CELF4: variants seen among roughly 807,000 people sequenced by gnomAD.
CELF4 encodes the protein CUGBP Elav-like family member 4.
A neutral mutation model predicts 59.9 loss-of-function variants in CELF4; 18 were observed. The ratio of observed to expected loss-of-function variants is 0.30; its 90% CI spans 0.21 to 0.45. CELF4 has a LOEUF of 0.45. CELF4 is among the 20% of genes least tolerant of loss of function. The pLI is 1.00. For synonymous variants in CELF4, 261 were observed against 267.1 expected, an observed-to-expected ratio of 0.98 and a Z score of 0.22; for missense variants, 456 against 689.0, an observed-to-expected ratio of 0.66 and a Z score of 3.79.
intron 2 of CELF4, among the ~76,000 whole-genome samples, chr18:37,393,949 C>G (rs1183961906): frequency 6.6e-6 from 1 of 151,162 alleles, no homozygotes; most frequent in Non-Finnish European, 1.5e-5. Flanking sequence ...CCACCTCCTC[C>G]GAGCGGAGCG....
chr18:37,338,998 C>G (rs1301457945), intron 2 of CELF4, among the ~76,000 whole-genome samples: 1 of 152,228 alleles, frequency 6.6e-6, no homozygotes, highest in Non-Finnish European at 1.5e-5. Flanking sequence ...GTCTCTGCAT[C>G]CATCCTGGTC....
chr18:37,296,493 G>T (rs989127977), intron 3 of CELF4, among the ~76,000 whole-genome samples: 50 of 152,204 alleles, frequency 3.3e-4, no homozygotes, highest in African/African-American at 1.2e-3. Flanking sequence ...ACTGCGCCTG[G>T]CCGGTTTGTT....
rs112360408 is a variant in CELF4 at position 37,437,360 on chromosome 18, C to T, written c.369+48165G>A. Among the ~76,000 whole-genome samples the T allele has an allele frequency of 1.8e-3, 272 of 152,342 alleles. 2 individuals carry two copies. Among genetic ancestry groups the T allele is most frequent in the African/African-American group, 6.0e-3 (249 of 41,574 alleles). On this transcript the variant is annotated intron_variant, in intron 2 of 12. Coordinates refer to ENST00000420428, the MANE Select transcript of CELF4 (RefSeq NM_020180.4). ...GGTGCCAAGGTCCTAGTGTCAGGGG[C>T]CCTGCACTCTGAGAGCCGGGAAGCC...
chr18:37,441,482 C>G (rs1202742803), intron 2 of CELF4, among the ~76,000 whole-genome samples: 1 of 152,078 alleles, frequency 6.6e-6, no homozygotes, highest in African/African-American at 2.4e-5. Context: ...AATGAGGAGG[C>G]TAATTGTTCG....
At chr18:37,307,289 G>A (rs1053774013) in intron 3 of CELF4, among the ~76,000 whole-genome samples, 7 of 152,262 alleles carry the variant, frequency 4.6e-5, no homozygotes, top group Middle Eastern at 3.4e-3. Flanking sequence ...CCCCACAGTC[G>A]TGGGGCAATC....
chr18:37,558,109 C>G (rs1377635309), intron 1 of CELF4, among the ~76,000 whole-genome samples: 1 of 144,374 alleles, frequency 6.9e-6, no homozygotes, highest in Non-Finnish European at 1.5e-5. Context: ...TCAAGCGATA[C>G]TCCTGCCTCA....
chr18:37,354,068 G>A (rs1204618623), intron 2 of CELF4, among the ~76,000 whole-genome samples: 1 of 152,098 alleles, frequency 6.6e-6, no homozygotes, highest in Non-Finnish European at 1.5e-5. Context: ...GGGGGGACCA[G>A]TTCTTAGGAC....
At chr18:37,467,898 T>C (rs1274514364) in intron 2 of CELF4, among the ~76,000 whole-genome samples, 2 of 152,192 alleles carry the variant, frequency 1.3e-5, no homozygotes, top group Admixed American at 1.3e-4. Context: ...GCCTCTCCCA[T>C]GTGTGTTATA....
intron 2 of CELF4, among the ~76,000 whole-genome samples, chr18:37,438,895 G>A (rs929910440): frequency 2.0e-5 from 3 of 152,168 alleles, no homozygotes; most frequent in African/African-American, 7.2e-5. Flanking sequence ...AAAGGATTAG[G>A]TTAGGATTAG....
intron 2 of CELF4, among the ~76,000 whole-genome samples, chr18:37,481,191 G>A (rs1272066363): frequency 1.3e-5 from 2 of 152,152 alleles, no homozygotes; most frequent in African/African-American, 2.4e-5. Context: ...TTGTTGGAAT[G>A]AGGACACAAA....
At chr18:37,357,391 A>T (rs543407684) in intron 2 of CELF4, among the ~76,000 whole-genome samples, 121 of 152,362 alleles carry the variant, frequency 7.9e-4, no homozygotes, top group Non-Finnish European at 1.4e-3. Context: ...TGAGCCTGTG[A>T]GTACACAGAA....
intron 12 of CELF4, among the ~76,000 whole-genome samples, chr18:37,252,021 C>T (rs73423151): frequency 6.6e-6 from 1 of 152,018 alleles, no homozygotes; most frequent in African/African-American, 2.4e-5. Context: ...ACAAGCACTC[C>T]CCCAGAGAGA....
intron 2 of CELF4, among the ~76,000 whole-genome samples, chr18:37,325,533 T>C (rs1020956024): frequency 6.6e-6 from 1 of 152,208 alleles, no homozygotes; most frequent in East Asian, 1.9e-4. Context: ...GCACCTGTGA[T>C]GCTTTGGCCT....
At chr18:37,356,338 T>A (rs1263794695) in intron 2 of CELF4, among the ~76,000 whole-genome samples, 1 of 152,176 alleles carries the variant, frequency 6.6e-6, no homozygotes, top group Non-Finnish European at 1.5e-5. Flanking sequence ...TTACAGTAAT[T>A]GAAGGGAGAG....
chr18:37,529,389 C>T (rs926832943), intron 1 of CELF4, among the ~76,000 whole-genome samples: 1 of 152,172 alleles, frequency 6.6e-6, no homozygotes, highest in East Asian at 1.9e-4. Flanking sequence ...GTGCTTACGA[C>T]ACTGTCTCTG....
rs2097860293 is a variant in CELF4 at position 37,338,503 on chromosome 18, T to G, written c.370-16622A>C. Among the ~76,000 whole-genome samples, 3 of 152,182 alleles carry G rather than the reference T, an allele frequency of 2.0e-5. No individual in the cohort carries two copies. In the South Asian group the frequency reaches 6.2e-4, roughly 32 times the overall value. On this transcript the variant is annotated intron_variant, in intron 2 of 12. Coordinates refer to ENST00000420428, the MANE Select transcript of CELF4 (RefSeq NM_020180.4). ...AATATTGCTTAGCTCAAAGAGATAC[T>G]GCTAGTGATGGGATTCTGGGTGCTG... is the stretch of plus-strand genomic sequence containing the variant.
intron 8 of CELF4, among the ~76,000 whole-genome samples, chr18:37,270,398 GTTC>G (rs1372651596): frequency 6.6e-6 from 1 of 152,156 alleles, no homozygotes; most frequent in African/African-American, 2.4e-5. Flanking sequence ...AACCCTGATT[GTTC>G]TTCTAGTTTC....
At position 37,477,873 on chromosome 18, in the gene CELF4, C is replaced by T. The variant is rs117269386; in HGVS notation, c.369+7652G>A. ...GACTTGGGTGATGGCAGCCGTGATC[C>T]AAGCCACATTGGGGCAGTGTGAAAA... On this transcript the variant is annotated intron_variant, in intron 2 of 12. Transcript: ENST00000420428. Among the ~76,000 whole-genome samples, 96 of 152,234 alleles carry T rather than the reference C, an allele frequency of 6.3e-4. 1 individual carries two copies. The East Asian group carries it at 0.011, about 18-fold the overall frequency.
intron 2 of CELF4, among the ~76,000 whole-genome samples, chr18:37,394,347 C>T (rs1334439637): frequency 6.6e-6 from 1 of 152,194 alleles, no homozygotes; most frequent in Non-Finnish European, 1.5e-5. Flanking sequence ...CGCGTGCAGC[C>T]GCCGTGACCT....
Sources: allele counts gnomAD v4.1 joint callset (sites outside exome capture counted in the v4.1 genomes callset), GRCh38; gene constraint gnomAD v4.1.1; transcripts MANE v1.5; gene names NCBI Gene and HGNC (gene_info 2026-07-23, HGNC 2026-07-21).